ATIC: variants seen among roughly 807,000 people sequenced by gnomAD.
ATIC encodes the protein 5-aminoimidazole-4-carboxamide ribonucleotide formyltransferase/IMP cyclohydrolase.
A neutral mutation model predicts 72.5 loss-of-function variants in ATIC; 64 were observed. The observed-to-expected ratio is 0.88, with a 90% CI of 0.72 to 1.09. The LOEUF (loss-of-function observed/expected upper bound fraction) is 1.09. Among genes scored for constraint, ATIC ranks in the 50% least tolerant of loss-of-function variants. ATIC has a pLI of 0.00. For missense variants in ATIC, 787 were observed against 732.4 expected, an observed-to-expected ratio of 1.07 and a Z score of -0.86; for synonymous variants, 281 against 267.1, an observed-to-expected ratio of 1.05 and a Z score of -0.51.
chr2:215,361,313 C>T, the ATIC span: 5 of 500,094 alleles, frequency 1.0e-5, no homozygotes, highest in Admixed American at 3.3e-5. Context: ...AAATACTGAG[C>T]GGTATTGAAT....
Position 215,349,551 on chromosome 2 carries a change from A to T in ATIC, c.1675A>T (p.Ile559Phe). ...DRAKRSGVAY[I>F]AAPSGSAADK... is the part of the protein sequence containing the mutation. ...CTTCCCCCAGAGTGGTGTGGCGTACATTGCGGCTCCCTCCGGTTCTGCTGC... is the reference window on the plus strand; with the variant it reads ...CTTCCCCCAGAGTGGTGTGGCGTACTTTGCGGCTCCCTCCGGTTCTGCTGC... Residue 559 changes from isoleucine to phenylalanine, a missense_variant, in exon 16 of 16, where the codon ATT (isoleucine) becomes TTT (phenylalanine). Transcript: ENST00000236959. 6.2e-7 allele frequency: 1 copy of T among 1,614,142 alleles called. No individual in the cohort carries two copies. The highest frequency in any genetic ancestry group is 8.5e-7 in the Non-Finnish European group (1 of 1,180,038).
At chr2:215,312,209 C>A (rs1400690213) in intron 1 of ATIC, 48 bp downstream of exon 1, 3 of 1,478,868 alleles carry the variant, frequency 2.0e-6, no homozygotes, top group African/African-American at 2.9e-5. Flanking sequence ...CCTGCGGCCC[C>A]CCACGCTCCC....
At position 215,349,305 on chromosome 2, in the gene ATIC, T is replaced by G. The variant is rs751658112; in HGVS notation, c.1659+56T>G. 2.1e-5 allele frequency: 34 copies of G among 1,610,522 alleles called. No individual in the cohort carries two copies. The South Asian group carries it at 3.6e-4, about 17-fold the overall frequency. On this transcript the variant is annotated intron_variant, in intron 15 of 15. Transcript: ENST00000236959. ...AGTTGAGCATTATGTAGAAACTGTT[T>G]CAGAAATCCTGCTTTTGATTTTTAA...
chr2:215,336,089 T>C lies in ATIC; in HGVS notation c.1063T>C (p.Ser355Pro). 1 of 1,613,384 alleles carries C rather than the reference T, an allele frequency of 6.2e-7. No individual in the cohort carries two copies. Among genetic ancestry groups the C allele is most frequent in the Non-Finnish European group, 8.5e-7 (1 of 1,179,512 alleles). Residue 355 changes from serine to proline, a missense_variant, in exon 11 of 16, where the codon TCC becomes CCC. Physicochemically the swap from Ser to Pro is moderately conservative, Grantham distance 74. Coordinates refer to ENST00000236959, the MANE Select transcript of ATIC (RefSeq NM_004044.7). Reference protein sequence around the residue: ...GYEEEALTILSKKKNGNYCVL... With the variant: ...GYEEEALTILPKKKNGNYCVL... ...TGAAGAAGAAGCCTTGACAATACTT[T>C]CCAAAAAGAAAAATGGAAACTATTG...
At chr2:215,319,122 C>G (rs2052740895) in intron 3 of ATIC, among the ~76,000 whole-genome samples, 3 of 152,134 alleles carry the variant, frequency 2.0e-5, no homozygotes, top group Admixed American at 2.0e-4. Context: ...CTCAAGCGAT[C>G]CCCCACCTTA....
At chr2:215,354,087 G>T (rs917053366), downstream of ATIC, among the ~76,000 whole-genome samples, 1 of 152,034 alleles carries the variant, frequency 6.6e-6, no homozygotes, top group South Asian at 2.1e-4. Context: ...GAGTGCAGTG[G>T]TGTGATCTCC....
chr2:215,316,449 A>G (rs1356241973), intron 2 of ATIC, among the ~76,000 whole-genome samples: 5 of 152,306 alleles, frequency 3.3e-5, no homozygotes, highest in Admixed American at 6.5e-5. Flanking sequence ...TAAAGTGTTT[A>G]TTATAGTCTC....
At chr2:215,320,097 T>C (rs540220274) in intron 4 of ATIC, among the ~76,000 whole-genome samples, 1 of 152,306 alleles carries the variant, frequency 6.6e-6, no homozygotes, top group South Asian at 2.1e-4. Context: ...CCTCCAAGTG[T>C]CATGTTGACG....
the ATIC span, among the ~76,000 whole-genome samples, chr2:215,355,833 ATTGTCT>A: frequency 6.6e-6 from 1 of 152,290 alleles, no homozygotes; most frequent in South Asian, 2.1e-4. Flanking sequence ...CCTCGAGGAA[ATTGTCT>A]TTGTGCCTCT....
At position 215,341,910 on chromosome 2, in the gene ATIC, C is replaced by T. The variant is rs546372350; in HGVS notation, c.1228-2869C>T. Among the ~76,000 whole-genome samples, 10 of 152,180 alleles carry T rather than the reference C, an allele frequency of 6.6e-5. 1 individual carries two copies. The highest frequency in any genetic ancestry group is 6.2e-4 in the South Asian group (3 of 4,818). ...GGTTTAATTGACTCACAGTTCCACA[C>T]GGTTGGGGAGGCCTCAGGAATCTTA... On this transcript the variant is annotated intron_variant, in intron 12 of 15. Coordinates refer to ENST00000236959, the MANE Select transcript of ATIC (RefSeq NM_004044.7).
At chr2:215,364,542 T>C in the ATIC span, 9 of 393,540 alleles carry the variant, frequency 2.3e-5, no homozygotes, top group African/African-American at 1.6e-4. Context: ...TCAGTGTAAA[T>C]AGTATCTCTG....
the ATIC span, among the ~76,000 whole-genome samples, chr2:215,359,946 TTA>T: frequency 6.6e-6 from 1 of 151,060 alleles, no homozygotes; most frequent in Non-Finnish European, 1.5e-5. Context: ...ATTTATTTAT[TTA>T]TGTTTTTTGG....
intron 2 of ATIC, 76 bp from the exon 3 acceptor site, chr2:215,318,081 A>T: frequency 1.5e-6 from 2 of 1,310,970 alleles, no homozygotes; most frequent in Non-Finnish European, 2.2e-6. Context: ...TTGAAATGAA[A>T]ACAGTAGATG....
At chr2:215,320,879 C>A (rs2105998583) in intron 4 of ATIC, among the ~76,000 whole-genome samples, 1 of 152,308 alleles carries the variant, frequency 6.6e-6, no homozygotes, top group South Asian at 2.1e-4. Flanking sequence ...CACGCCCGGC[C>A]TGCCCGGCTC....
At chr2:215,315,913 C>T (rs1174431684) in intron 2 of ATIC, among the ~76,000 whole-genome samples, 3 of 151,854 alleles carry the variant, frequency 2.0e-5, no homozygotes, top group Non-Finnish European at 4.4e-5. Context: ...CGAGATTCCA[C>T]CACTACACTC....
At chr2:215,346,668 T>C (rs1289318846) in intron 13 of ATIC, 91 bp from the exon 14 acceptor site, 3 of 1,440,674 alleles carry the variant, frequency 2.1e-6, no homozygotes, top group African/African-American at 1.4e-5. Flanking sequence ...ACAAAACTAA[T>C]AAATAGGTTT....
intron 12 of ATIC, among the ~76,000 whole-genome samples, chr2:215,339,290 G>T (rs548778975): frequency 6.6e-6 from 1 of 152,174 alleles, no homozygotes; most frequent in Non-Finnish European, 1.5e-5. Context: ...TAGGCCAAGG[G>T]GCAGCTCTCT....
chr2:215,315,853 G>A (rs2052702784), intron 2 of ATIC, among the ~76,000 whole-genome samples: 1 of 152,062 alleles, frequency 6.6e-6, no homozygotes, highest in Non-Finnish European at 1.5e-5. Flanking sequence ...TACTCAGGAG[G>A]CTGAGGCAGG....
the ATIC span, chr2:215,367,614 A>G: frequency 2.0e-6 from 1 of 511,080 alleles, no homozygotes; most frequent in African/African-American, 1.9e-5. Context: ...TCAAATTAGC[A>G]CCATAATCTT....
Sources: allele counts gnomAD v4.1 joint callset (sites outside exome capture counted in the v4.1 genomes callset), GRCh38; gene constraint gnomAD v4.1.1; transcripts MANE v1.5; gene names NCBI Gene and HGNC (gene_info 2026-07-23, HGNC 2026-07-21).